Variants in CHIC2 observed in about 807,000 individuals in gnomAD.
CHIC2 encodes cysteine rich hydrophobic domain 2, also known as cysteine-rich hydrophobic domain-containing protein 2.
In CHIC2, 14 loss-of-function variants were observed where a neutral mutation model predicts 25.9. The ratio of observed to expected loss-of-function variants is 0.54; its 90% CI spans 0.36 to 0.85. The LOEUF (loss-of-function observed/expected upper bound fraction) is 0.85. Among genes scored for constraint, CHIC2 ranks in the 40% least tolerant of loss-of-function variants. CHIC2 has a pLI of 0.01. For missense variants in CHIC2, 146 were observed against 202.0 expected (o/e 0.72, Z 1.68); for synonymous variants, 70 against 72.0 (o/e 0.97, Z 0.14).
chr4:54,032,410 T>C (rs886484187), intron 3 of CHIC2, among the ~76,000 whole-genome samples: 1 of 151,798 alleles, frequency 6.6e-6, no homozygotes. Context: ...CGATTGCAGG[T>C]GCGCGCCGCC....
At chr4:54,073,199 C>T in the CHIC2 span, among the ~76,000 whole-genome samples, 2 of 152,176 alleles carry the variant, frequency 1.3e-5, no homozygotes, top group Admixed American at 1.3e-4. Flanking sequence ...GTCTCTCACT[C>T]CCATCAGCCT....
At chr4:54,027,875 A>ACCTG (rs1388221882) in intron 3 of CHIC2, among the ~76,000 whole-genome samples, 3 of 152,216 alleles carry the variant, frequency 2.0e-5, no homozygotes, top group Non-Finnish European at 4.4e-5. Flanking sequence ...AACCTAATAA[A>ACCTG]TAACTTTTCA....
At chr4:54,089,994 T>C in the CHIC2 span, among the ~76,000 whole-genome samples, 2 of 152,168 alleles carry the variant, frequency 1.3e-5, no homozygotes, top group Admixed American at 1.3e-4. Flanking sequence ...CTATGTACAC[T>C]GAATAAGCTG....
chr4:54,037,362 T>C (rs907744908), intron 3 of CHIC2, among the ~76,000 whole-genome samples: 13 of 151,850 alleles, frequency 8.6e-5, no homozygotes, highest in Non-Finnish European at 1.8e-4. Context: ...CAAAAATAAA[T>C]AAATAAAAAA....
chr4:54,065,346 C>G, upstream of CHIC2: 1 of 983,944 alleles, frequency 1.0e-6, no homozygotes, highest in South Asian at 4.7e-5. Flanking sequence ...CCCCAACTCT[C>G]TCACCAAACA....
the CHIC2 span, chr4:54,087,063 A>G: frequency 9.0e-7 from 1 of 1,116,248 alleles, no homozygotes; most frequent in Non-Finnish European, 1.4e-6. Flanking sequence ...TCCACAGCAG[A>G]AAAATCTTGA....
the CHIC2 span, chr4:54,087,532 G>A: frequency 8.6e-7 from 1 of 1,163,778 alleles, no homozygotes. Flanking sequence ...AATTTGAGAG[G>A]CCCCTGTATG....
At chr4:54,045,204 G>A (rs956054078) in intron 3 of CHIC2, among the ~76,000 whole-genome samples, 4 of 152,100 alleles carry the variant, frequency 2.6e-5, no homozygotes, top group Non-Finnish European at 4.4e-5. Context: ...ATTCACAGCC[G>A]AATTCTACCA....
chr4:54,086,510 C>A, the CHIC2 span, among the ~76,000 whole-genome samples: 2 of 152,124 alleles, frequency 1.3e-5, no homozygotes, highest in Non-Finnish European at 2.9e-5. Context: ...AAATATCCTG[C>A]AGGAGCTTCC....
chr4:54,071,615 T>C, the CHIC2 span, among the ~76,000 whole-genome samples: 5 of 152,206 alleles, frequency 3.3e-5, no homozygotes, highest in East Asian at 1.9e-4. Context: ...AGAGAAATAT[T>C]TGGGTTCCTT....
chr4:54,039,994 T>C (rs1457265164), intron 3 of CHIC2, among the ~76,000 whole-genome samples: 3 of 152,146 alleles, frequency 2.0e-5, no homozygotes, highest in East Asian at 3.8e-4. Flanking sequence ...AAGACAGTAT[T>C]GTAGGGATAG....
At chr4:54,040,644 T>C (rs1447331041) in intron 3 of CHIC2, among the ~76,000 whole-genome samples, 3 of 141,352 alleles carry the variant, frequency 2.1e-5, no homozygotes, top group Non-Finnish European at 4.5e-5. Context: ...TAGGTTGTGA[T>C]GAGCTGAGAG....
chr4:54,066,306 A>G (rs894539386), upstream of CHIC2, among the ~76,000 whole-genome samples: 1 of 152,198 alleles, frequency 6.6e-6, no homozygotes, highest in Non-Finnish European at 1.5e-5. Flanking sequence ...AGTGCCTAGA[A>G]GAAGGCCCAG....
the CHIC2 span, among the ~76,000 whole-genome samples, chr4:54,085,972 T>C: frequency 1.3e-5 from 2 of 152,024 alleles, no homozygotes; most frequent in African/African-American, 4.8e-5. Context: ...AAGTCCTATC[T>C]AGCTTAAATA....
the CHIC2 span, among the ~76,000 whole-genome samples, chr4:54,091,360 GAGGCGGGGCTCC>G: frequency 6.6e-6 from 1 of 152,174 alleles, no homozygotes; most frequent in Non-Finnish European, 1.5e-5. Context: ...GCCTAGTGGG[GAGGCGGGGCTCC>G]AGGGGCCGGG....
At chr4:54,042,340 C>T (rs547227148) in intron 3 of CHIC2, among the ~76,000 whole-genome samples, 98 of 152,210 alleles carry the variant, frequency 6.4e-4, no homozygotes, top group African/African-American at 2.0e-3. Flanking sequence ...ATTAAACTAG[C>T]TTAAAAAGTC....
At chr4:54,010,702 A>T (rs1715561658) in intron 5 of CHIC2, among the ~76,000 whole-genome samples, 1 of 152,094 alleles carries the variant, frequency 6.6e-6, no homozygotes, top group South Asian at 2.1e-4. Context: ...CTTGCCCTTT[A>T]TACCACCCTA....
In CHIC2 at chr4:54,064,581, CGCA is replaced by C; in HGVS notation, c.-284_-282del. The C allele has an allele frequency of 1.6e-6, 2 of 1,250,514 alleles. No homozygotes were observed. Among genetic ancestry groups the C allele is most frequent in the Non-Finnish European group, 2.0e-6 (2 of 995,768 alleles). 77.5% of individuals were successfully genotyped at this position (1,250,514 alleles called of 1,614,324 possible). A position where few individuals can be genotyped will look rare whatever the true frequency, so the allele number is the denominator to read the frequency against. Reference sequence around the variant, plus strand: ...CAAGCACAGACGCCGCTGCCGCCGCCGCAGCAGCAGCAACTCAGGAAACCACAG... The same window carrying C: ...CAAGCACAGACGCCGCTGCCGCCGCCGCAGCAGCAACTCAGGAAACCACAG... On this transcript the variant is annotated 5_prime_UTR_variant, in exon 1 of 6. Transcript: ENST00000263921. This position sits in a 1 kb window ranked among gnomAD's most constrained non-coding sequence, Gnocchi z 4.2.
chr4:54,023,841 C>T (rs1418657241), intron 3 of CHIC2, among the ~76,000 whole-genome samples: 5 of 152,214 alleles, frequency 3.3e-5, no homozygotes, highest in African/African-American at 1.2e-4. Flanking sequence ...CCTGCACCAC[C>T]GTGCTGTTAT....
Sources: allele counts gnomAD v4.1 joint callset (sites outside exome capture counted in the v4.1 genomes callset), GRCh38; gene constraint gnomAD v4.1.1; non-coding constraint Gnocchi (gnomAD v3.1); transcripts MANE v1.5; gene names NCBI Gene and HGNC (gene_info 2026-07-23, HGNC 2026-07-21).